Variants in CADPS2 observed in about 807,000 individuals in gnomAD.
The protein encoded by CADPS2 is calcium-dependent secretion activator 2.
In CADPS2, 93 loss-of-function variants were observed where a neutral mutation model predicts 172.5. The observed-to-expected ratio is 0.54, with a 90% CI of 0.46 to 0.64. The LOEUF is 0.64. Among genes scored for constraint, CADPS2 ranks in the 30% least tolerant of loss-of-function variants. CADPS2 has a pLI of 0.00. For missense variants in CADPS2, 1,420 were observed against 1,565.9 expected (o/e 0.91, Z 1.57); for synonymous variants, 546 against 555.2 (o/e 0.98, Z 0.23).
chr7:122,599,234 A>T (rs2072370815), intron 6 of CADPS2, among the ~76,000 whole-genome samples: 1 of 152,046 alleles, frequency 6.6e-6, no homozygotes, highest in African/African-American at 2.4e-5. Flanking sequence ...ACGCAACAGA[A>T]TTCCTGCTTG....
At chr7:122,600,731 C>G (rs1177409137) in intron 6 of CADPS2, among the ~76,000 whole-genome samples, 4 of 152,054 alleles carry the variant, frequency 2.6e-5, no homozygotes, top group Non-Finnish European at 4.4e-5. Context: ...TAACTTTTGT[C>G]TGTTTGGGTC....
chr7:122,399,660 C>CTTTTTTTTTTTTTTTTTT (rs1008163151), intron 20 of CADPS2, among the ~76,000 whole-genome samples: 11 of 51,228 alleles, frequency 2.1e-4, no homozygotes, highest in Non-Finnish European at 3.3e-4. Context: ...GGGTGGGTTT[C>CTTTTTTTTTTTTTTTTTT]TTTTTTTTTT....
At chr7:122,635,330 G>A (rs1396995404) in intron 3 of CADPS2, among the ~76,000 whole-genome samples, 1 of 151,424 alleles carries the variant, frequency 6.6e-6, no homozygotes, top group African/African-American at 2.4e-5. Flanking sequence ...TGCACAATGT[G>A]CAGGTTAGTT....
At chr7:122,623,521 T>C (rs2075803298) in intron 4 of CADPS2, among the ~76,000 whole-genome samples, 1 of 152,160 alleles carries the variant, frequency 6.6e-6, no homozygotes, top group South Asian at 2.1e-4. Context: ...TAAAGCTACA[T>C]GTTACCTTGT....
At chr7:122,882,369 A>T (rs1823139597) in intron 1 of CADPS2, among the ~76,000 whole-genome samples, 1 of 152,174 alleles carries the variant, frequency 6.6e-6, no homozygotes, top group African/African-American at 2.4e-5. Context: ...AGTAGGTTCT[A>T]TTTTAATACC....
intron 8 of CADPS2, among the ~76,000 whole-genome samples, chr7:122,538,356 G>T (rs2062543301): frequency 7.1e-6 from 1 of 141,810 alleles, no homozygotes; most frequent in Non-Finnish European, 1.5e-5. Context: ...GCTTAATTAG[G>T]TTTTTTGTTT....
At chr7:122,834,634 T>C (rs1002819629) in intron 1 of CADPS2, among the ~76,000 whole-genome samples, 1 of 152,162 alleles carries the variant, frequency 6.6e-6, no homozygotes, top group Non-Finnish European at 1.5e-5. Flanking sequence ...TACCAGGAGA[T>C]TATATACGGC....
At chr7:122,879,353 T>C (rs1005659819) in intron 1 of CADPS2, among the ~76,000 whole-genome samples, 5 of 150,908 alleles carry the variant, frequency 3.3e-5, no homozygotes, top group African/African-American at 1.2e-4. Context: ...CTGGCCAATA[T>C]GGTGAAACCC....
intron 3 of CADPS2, among the ~76,000 whole-genome samples, chr7:122,632,965 T>C (rs1269349034): frequency 6.6e-6 from 1 of 152,092 alleles, no homozygotes. Context: ...GCTTTCCCCA[T>C]TGTTTATTTT....
chr7:122,373,637 T>C (rs1463056588), intron 25 of CADPS2, among the ~76,000 whole-genome samples: 1 of 152,048 alleles, frequency 6.6e-6, no homozygotes, highest in Admixed American at 6.6e-5. Context: ...AAGGTGCAGA[T>C]ACCAATGTAA....
intron 7 of CADPS2, among the ~76,000 whole-genome samples, chr7:122,563,860 A>G (rs1378703923): frequency 6.6e-6 from 1 of 152,286 alleles, no homozygotes; most frequent in South Asian, 2.1e-4. Flanking sequence ...TTAAAAACCA[A>G]CTACAGGTTG....
At chr7:122,580,257 C>T (rs368540236) in intron 7 of CADPS2, among the ~76,000 whole-genome samples, 11 of 151,960 alleles carry the variant, frequency 7.2e-5, no homozygotes, top group African/African-American at 2.4e-4. Flanking sequence ...GAGTTCAAGA[C>T]AAGCCTGGCC....
chr7:122,886,425 G>A lies in CADPS2; in HGVS notation c.-88C>T. 2.8e-6 allele frequency: 4 copies of A among 1,408,260 alleles called. No individual in the cohort carries two copies. The highest frequency in any genetic ancestry group is 3.0e-5 in the South Asian group (2 of 66,660). 87.2% of individuals were successfully genotyped at this position (1,408,260 alleles called of 1,614,324 possible). On this transcript the variant is annotated 5_prime_UTR_variant, in exon 1 of 30. Transcript: ENST00000449022. ...GCCCGCGGGTCTGAGGGAGCCGCGG[G>A]GCTGGCTGCAGCGGCCGCAGAACGA...
chr7:122,422,882 C>T, intron 17 of CADPS2, among the ~76,000 whole-genome samples: 1 of 152,048 alleles, frequency 6.6e-6, no homozygotes, highest in East Asian at 1.9e-4. Flanking sequence ...TTGCTTGAAC[C>T]TGGGAGGCAG....
intron 1 of CADPS2, among the ~76,000 whole-genome samples, chr7:122,770,551 T>A (rs1284539429): frequency 6.6e-6 from 1 of 152,116 alleles, no homozygotes; most frequent in Non-Finnish European, 1.5e-5. Context: ...TATGGGAGAA[T>A]AAGATACTTT....
At chr7:122,639,730 A>G (rs536474527) in intron 3 of CADPS2, among the ~76,000 whole-genome samples, 1 of 152,318 alleles carries the variant, frequency 6.6e-6, no homozygotes, top group South Asian at 2.1e-4. Context: ...AAAATAAATT[A>G]TACTAAGCCA....
intron 25 of CADPS2, 45 bp downstream of exon 25, chr7:122,379,323 C>A: frequency 2.4e-6 from 3 of 1,243,974 alleles, no homozygotes; most frequent in African/African-American, 3.0e-5. Flanking sequence ...TCTCCATTGA[C>A]AATTTTTCAC....
intron 2 of CADPS2, among the ~76,000 whole-genome samples, chr7:122,719,469 C>T (rs139297795): frequency 6.6e-5 from 10 of 152,204 alleles, no homozygotes; most frequent in South Asian, 4.1e-4. Flanking sequence ...TGTGCAATGA[C>T]GCCAATTTGA....
At chr7:122,484,155 G>A (rs539847383) in intron 11 of CADPS2, among the ~76,000 whole-genome samples, 1 of 152,222 alleles carries the variant, frequency 6.6e-6, no homozygotes, top group South Asian at 2.1e-4. Flanking sequence ...TCAATTAAAA[G>A]TGAATAAACT....
Sources: allele counts gnomAD v4.1 joint callset (sites outside exome capture counted in the v4.1 genomes callset), GRCh38; gene constraint gnomAD v4.1.1; transcripts MANE v1.5; gene names NCBI Gene and HGNC (gene_info 2026-07-23, HGNC 2026-07-21).